SAMSN1: variants seen among roughly 807,000 people sequenced by gnomAD.
SAMSN1 encodes the protein SAM domain, SH3 domain and nuclear localization signals 1.
Under a neutral mutation model 42.0 loss-of-function variants are expected in SAMSN1, and 31 were observed. That is an observed-to-expected ratio of 0.74 (90% CI 0.55 to 1.00). SAMSN1 has a LOEUF of 1.00. Ranked by LOEUF, SAMSN1 falls within the 50% of genes least tolerant of loss-of-function variation. The probability of loss-of-function intolerance (pLI) is 0.00; values close to 1 mark genes in which losing one functional copy is unlikely to be tolerated. For missense variants in SAMSN1, 464 were observed against 439.4 expected (o/e 1.06, Z -0.50); for synonymous variants, 178 against 151.9 (o/e 1.17, Z -1.26).
Position 14,607,777 on chromosome 21 carries a change from T to C in SAMSN1, c.322+1705A>G, listed in dbSNP as rs535554314. 5.3e-5 allele frequency among the ~76,000 whole-genome samples: 8 copies of C among 152,338 alleles called. No individual in the cohort carries two copies. The South Asian group carries it at 1.7e-3, about 32-fold the overall frequency. On this transcript the variant is annotated intron_variant, in intron 5 of 15. Transcript: ENST00000647101. ...AACATACATAAGAGAAAGGTAGTTT[T>C]AGGAAATAGAATGCTTGAAGAAATT...
chr21:14,506,938 A>G (rs915454703), intron 5 of SAMSN1, among the ~76,000 whole-genome samples: 5 of 152,242 alleles, frequency 3.3e-5, no homozygotes, highest in Non-Finnish European at 7.3e-5. Context: ...ATTAAAAACA[A>G]AAATCACATG....
intron 3 of SAMSN1, 76 bp from the exon 4 acceptor site, chr21:14,512,649 T>G: frequency 7.3e-7 from 1 of 1,360,958 alleles, no homozygotes; most frequent in Non-Finnish European, 1.0e-6. Flanking sequence ...ATTGATTTAA[T>G]AGACACATAT....
rs528435985 is a variant in SAMSN1 at position 14,623,627 on chromosome 21, A to C, written c.157-7611T>G. Reference sequence around the variant, plus strand: ...ACAGAAGCACCCAGATTCATAAAGCAAGTCCTTAGAGACCTACAAGGAGAC... The same window carrying C: ...ACAGAAGCACCCAGATTCATAAAGCCAGTCCTTAGAGACCTACAAGGAGAC... On this transcript the variant is annotated intron_variant, in intron 2 of 15. Transcript: ENST00000647101. Among the ~76,000 whole-genome samples, 7 of 152,320 alleles carry C rather than the reference A, an allele frequency of 4.6e-5. No homozygotes were observed. The South Asian group carries it at 1.5e-3, about 32-fold the overall frequency.
At chr21:14,643,088 C>T (rs1483068850) in exon 2 of SAMSN1, 1 of 717,186 alleles carries the variant, frequency 1.4e-6, no homozygotes, top group Non-Finnish European at 2.6e-6. Flanking sequence ...TCTTGGTTAG[C>T]TTGTTGCTCT....
At position 14,648,177 on chromosome 21, in the gene SAMSN1, T is replaced by C. The variant is rs538594592; in HGVS notation, c.25-5044A>G. ...ATACATCCCATCAATACCTAATTTA[T>C]TGAGAGTTTTTAGCATGAAGGGAAA... On this transcript the variant is annotated intron_variant, in intron 1 of 15. Coordinates refer to the SAMSN1 transcript ENST00000647101. Among the ~76,000 whole-genome samples, 127 of 152,220 alleles carry C rather than the reference T, an allele frequency of 8.3e-4. 1 individual carries two copies. The highest frequency in any genetic ancestry group is 2.9e-3 in the African/African-American group (120 of 41,542).
chr21:14,501,441 C>T (rs867191733), intron 5 of SAMSN1, among the ~76,000 whole-genome samples: 33 of 152,274 alleles, frequency 2.2e-4, no homozygotes, highest in Middle Eastern at 3.4e-3. Context: ...AGGAAGTTAA[C>T]GGCAGAACCA....
In SAMSN1 at chr21:14,566,564, G is replaced by T. The variant is rs528697897; in HGVS notation, c.261+15572C>A. On this transcript the variant is annotated intron_variant, in intron 2 of 8. Coordinates refer to the SAMSN1 transcript ENST00000285670. Reference sequence around the variant, plus strand: ...TATAAAATTTTTTTTTTGAGACAGGGTCTCACTTTGTCGCCCAGGCTATAG... The same window carrying T: ...TATAAAATTTTTTTTTTGAGACAGGTTCTCACTTTGTCGCCCAGGCTATAG... Among the ~76,000 whole-genome samples, 273 of 151,796 alleles carry T rather than the reference G, an allele frequency of 1.8e-3. 2 individuals are homozygous for T. Among genetic ancestry groups the T allele is most frequent in the African/African-American group, 6.1e-3 (253 of 41,396 alleles).
At chr21:14,522,298 A>C (rs1978544743) in intron 1 of SAMSN1, among the ~76,000 whole-genome samples, 1 of 152,240 alleles carries the variant, frequency 6.6e-6, no homozygotes. Context: ...CATTGAGTCA[A>C]AAAATTGATA....
chr21:14,594,440 G>T (rs139213616), intron 6 of SAMSN1, among the ~76,000 whole-genome samples: 10 of 152,164 alleles, frequency 6.6e-5, no homozygotes, highest in African/African-American at 1.7e-4. Flanking sequence ...GGAAAGGGGG[G>T]ATCCCGAATG....
At chr21:14,523,657 T>C (rs1350218611) in intron 1 of SAMSN1, among the ~76,000 whole-genome samples, 2 of 152,208 alleles carry the variant, frequency 1.3e-5, no homozygotes, top group African/African-American at 4.8e-5. Flanking sequence ...CTATGGCTGA[T>C]TGGAGCCCAT....
chr21:14,571,181 G>C (rs746540945), intron 2 of SAMSN1, among the ~76,000 whole-genome samples: 1 of 152,076 alleles, frequency 6.6e-6, no homozygotes, highest in Non-Finnish European at 1.5e-5. Context: ...ATATATTTTT[G>C]TTTCTAATTA....
At chr21:14,589,695 C>A (rs775060581) in intron 7 of SAMSN1, among the ~76,000 whole-genome samples, 1 of 152,120 alleles carries the variant, frequency 6.6e-6, no homozygotes, top group Non-Finnish European at 1.5e-5. Flanking sequence ...ATTGCGTTAT[C>A]TGTCTGAATT....
At chr21:14,631,361 A>T (rs574353194) in intron 2 of SAMSN1, among the ~76,000 whole-genome samples, 1 of 152,342 alleles carries the variant, frequency 6.6e-6, no homozygotes, top group African/African-American at 2.4e-5. Context: ...GAGAAGAAAC[A>T]AGGGCTTAAA....
rs540482016 is a variant in SAMSN1 at position 14,490,242 on chromosome 21, G to T, written c.920-4128C>A. Reference sequence around the variant, plus strand: ...TAAATAATTTTTTAATAAACACAATGATATTTAGATGAATTAAAGGGCATT... The same window carrying T: ...TAAATAATTTTTTAATAAACACAATTATATTTAGATGAATTAAAGGGCATT... On this transcript the variant is annotated intron_variant, in intron 7 of 7. Transcript: ENST00000400566. 2.6e-5 allele frequency among the ~76,000 whole-genome samples: 4 copies of T among 152,168 alleles called. No individual in the cohort carries two copies. The South Asian group carries it at 8.3e-4, about 32-fold the overall frequency.
chr21:14,610,214 G>A (rs968781577), intron 4 of SAMSN1, among the ~76,000 whole-genome samples: 4 of 152,118 alleles, frequency 2.6e-5, no homozygotes, highest in Admixed American at 2.6e-4. Context: ...TCCCCAGTAA[G>A]GAATATTAAT....
intron 2 of SAMSN1, among the ~76,000 whole-genome samples, chr21:14,618,698 G>GCA (rs750897206): frequency 0.11 from 15,453 of 146,430 alleles, 997 homozygotes; most frequent in Admixed American, 0.22. Context: ...GTGTGCGCGC[G>GCA]CGCGCACGCG....
At chr21:14,558,553 T>C (rs1353495740) in intron 2 of SAMSN1, among the ~76,000 whole-genome samples, 1 of 151,910 alleles carries the variant, frequency 6.6e-6, no homozygotes, top group Admixed American at 6.6e-5. Flanking sequence ...TGGTGATGCA[T>C]GCCTGTAGTC....
chr21:14,527,427 T>C (rs1978936399), intron 1 of SAMSN1, among the ~76,000 whole-genome samples: 1 of 152,180 alleles, frequency 6.6e-6, no homozygotes, highest in South Asian at 2.1e-4. Flanking sequence ...AAAAGACAAC[T>C]AGAGCTGTAA....
intron 2 of SAMSN1, among the ~76,000 whole-genome samples, chr21:14,636,867 A>AC (rs1450906106): frequency 6.6e-6 from 1 of 152,208 alleles, no homozygotes; most frequent in African/African-American, 2.4e-5. Context: ...CCGTCTCAAA[A>AC]AAACAAACAA....
Sources: allele counts gnomAD v4.1 joint callset (sites outside exome capture counted in the v4.1 genomes callset), GRCh38; gene constraint gnomAD v4.1.1; transcripts MANE v1.5; gene names NCBI Gene and HGNC (gene_info 2026-07-23, HGNC 2026-07-21).